PPCDC: variants seen among roughly 807,000 people sequenced by gnomAD.
PPCDC encodes phosphopantothenoylcysteine decarboxylase.
A neutral mutation model predicts 20.7 loss-of-function variants in PPCDC; 20 were observed. That is an observed-to-expected ratio of 0.97 (90% CI 0.68 to 1.41). The LOEUF is 1.41. Among genes scored for constraint, PPCDC ranks in the 40% most tolerant of loss-of-function variants. PPCDC has a pLI of 0.00. For missense variants in PPCDC, 246 were observed against 263.8 expected (o/e 0.93, Z 0.47); for synonymous variants, 88 against 100.3 (o/e 0.88, Z 0.73).
At position 75,049,436 on chromosome 15, in the gene PPCDC, C is replaced by A. The variant is rs1020322221; in HGVS notation, c.*201C>A. 2 of 588,480 alleles carry A rather than the reference C, an allele frequency of 3.4e-6. No individual in the cohort carries two copies. The highest frequency in any genetic ancestry group is 1.9e-5 in the African/African-American group (1 of 53,506). The allele number at this position is 588,480 out of a possible 1,614,324, so 36.5% of individuals were successfully genotyped here. ...TCAGTTTCTTTCAACCAGGAGAGGCCGCTGCCTAGAGCCCCTCCCCACCTT... is the reference window on the plus strand; with the variant it reads ...TCAGTTTCTTTCAACCAGGAGAGGCAGCTGCCTAGAGCCCCTCCCCACCTT... On this transcript the variant is annotated 3_prime_UTR_variant, in exon 6 of 6. Transcript: ENST00000342932.
chr15:75,040,176 G>C (rs1242512252), intron 2 of PPCDC, among the ~76,000 whole-genome samples: 1 of 152,078 alleles, frequency 6.6e-6, no homozygotes, highest in Non-Finnish European at 1.5e-5. Context: ...TCGACTTCCT[G>C]GGCTCAACTG....
chr15:75,048,755 G>A (rs749336004), intron 5 of PPCDC, 34 bp downstream of exon 5: 1 of 1,606,418 alleles, frequency 6.2e-7, no homozygotes, highest in Non-Finnish European at 8.5e-7. Context: ...GCCCAGGGCT[G>A]TAGAAGGGGC....
At chr15:75,024,322 AT>A (rs1297599069) in intron 1 of PPCDC, among the ~76,000 whole-genome samples, 2 of 150,486 alleles carry the variant, frequency 1.3e-5, no homozygotes, top group Non-Finnish European at 3.0e-5. Context: ...AGATACATTT[AT>A]CCCTCAGTAT....
intron 2 of PPCDC, among the ~76,000 whole-genome samples, chr15:75,029,053 A>G (rs1228487744): frequency 6.6e-6 from 1 of 151,976 alleles, no homozygotes; most frequent in Non-Finnish European, 1.5e-5. Flanking sequence ...TATTTTCTAT[A>G]TTGGGGTTCT....
At chr15:75,045,163 C>T (rs953958523) in intron 4 of PPCDC, 8 of 153,216 alleles carry the variant, frequency 5.2e-5, no homozygotes, top group African/African-American at 1.9e-4. Context: ...ATATGATCGT[C>T]CTGGGAAGAT....
intron 3 of PPCDC, among the ~76,000 whole-genome samples, chr15:75,043,926 A>G (rs1199178819): frequency 6.6e-6 from 1 of 152,106 alleles, no homozygotes; most frequent in Non-Finnish European, 1.5e-5. Context: ...ATGGGTGGGC[A>G]CTGGCTGATT....
intron 1 of PPCDC, among the ~76,000 whole-genome samples, chr15:75,025,584 T>G (rs908321173): frequency 1.3e-5 from 2 of 152,198 alleles, no homozygotes; most frequent in African/African-American, 4.8e-5. Flanking sequence ...TTTCTGGCTG[T>G]GGCTTACCTG....
At chr15:75,029,282 G>T (rs1291175161) in intron 2 of PPCDC, among the ~76,000 whole-genome samples, 3 of 152,252 alleles carry the variant, frequency 2.0e-5, no homozygotes, top group African/African-American at 7.2e-5. Flanking sequence ...CTGTGGTTTT[G>T]GCCCCTTCTT....
At chr15:75,036,218 A>G (rs928982155) in intron 2 of PPCDC, among the ~76,000 whole-genome samples, 2 of 152,232 alleles carry the variant, frequency 1.3e-5, no homozygotes, top group Non-Finnish European at 2.9e-5. Context: ...AACGGTCAGA[A>G]TTATTTAGTA....
chr15:75,050,236 G>A lies in PPCDC; in HGVS notation c.*1001G>A, dbSNP rs181619479. On this transcript the variant is annotated 3_prime_UTR_variant, in exon 6 of 6. Coordinates refer to ENST00000342932, the MANE Select transcript of PPCDC (RefSeq NM_021823.5). ...GCAAGTGACAGGTAAGCAGCCAGGAGGGTTGACCCTGCCCTGGGTCCCAGG... is the reference window on the plus strand; with the variant it reads ...GCAAGTGACAGGTAAGCAGCCAGGAAGGTTGACCCTGCCCTGGGTCCCAGG... 6.6e-6 allele frequency: 1 copy of A among 152,356 alleles called. No homozygotes were observed. Among genetic ancestry groups the A allele is most frequent in the East Asian group, 1.9e-4 (1 of 5,190 alleles). 9.4% of individuals were successfully genotyped at this position (152,356 alleles called of 1,614,324 possible). A position where few individuals can be genotyped will look rare whatever the true frequency, so the allele number is the denominator to read the frequency against.
intron 4 of PPCDC, among the ~76,000 whole-genome samples, chr15:75,045,624 G>A (rs1312933541): frequency 6.6e-6 from 1 of 152,146 alleles, no homozygotes; most frequent in Non-Finnish European, 1.5e-5. Flanking sequence ...ACTCCTCAAA[G>A]AATCTGCCAG....
chr15:75,033,248 T>A (rs1414781922), intron 2 of PPCDC, among the ~76,000 whole-genome samples: 1 of 152,252 alleles, frequency 6.6e-6, no homozygotes, highest in Non-Finnish European at 1.5e-5. Context: ...TGCCTATGGC[T>A]GCATTCGTGC....
intron 2 of PPCDC, among the ~76,000 whole-genome samples, chr15:75,041,408 T>C (rs2066151470): frequency 6.6e-6 from 1 of 152,162 alleles, no homozygotes; most frequent in African/African-American, 2.4e-5. Flanking sequence ...GGTGGGTGGA[T>C]TGCTTGAGCC....
intron 2 of PPCDC, among the ~76,000 whole-genome samples, chr15:75,039,976 G>C (rs916516883): frequency 2.6e-5 from 4 of 152,048 alleles, no homozygotes; most frequent in African/African-American, 9.7e-5. Flanking sequence ...TAGAGATGGG[G>C]TTTCTCCTTG....
At chr15:75,038,634 C>T (rs557706340) in intron 2 of PPCDC, among the ~76,000 whole-genome samples, 8 of 152,312 alleles carry the variant, frequency 5.3e-5, no homozygotes, top group Admixed American at 3.3e-4. Context: ...ATAGACATGA[C>T]GCTCTAATTT....
chr15:75,030,910 G>C (rs1480476276), intron 2 of PPCDC, among the ~76,000 whole-genome samples: 1 of 152,142 alleles, frequency 6.6e-6, no homozygotes. Flanking sequence ...CAGGGAGACT[G>C]TGAGGGGTGG....
chr15:75,043,208 G>C (rs1394586300), intron 2 of PPCDC: 1 of 463,528 alleles, frequency 2.2e-6, no homozygotes, highest in Non-Finnish European at 3.9e-6. Flanking sequence ...TCATTCCTCA[G>C]CAGCCCCTCA....
chr15:75,034,733 G>A (rs2066065209), intron 2 of PPCDC, among the ~76,000 whole-genome samples: 1 of 152,116 alleles, frequency 6.6e-6, no homozygotes, highest in South Asian at 2.1e-4. Context: ...CAGAGGACTG[G>A]GCCACCAAAG....
At chr15:75,040,582 T>C (rs1450838131) in intron 2 of PPCDC, among the ~76,000 whole-genome samples, 1 of 152,178 alleles carries the variant, frequency 6.6e-6, no homozygotes, top group African/African-American at 2.4e-5. Context: ...GAGCCTGTTA[T>C]ATATTTACTA....
Sources: gnomAD v4.1 joint callset for allele counts (sites outside exome capture counted in the v4.1 genomes callset) on GRCh38, gnomAD v4.1.1 for gene constraint, MANE v1.5 for transcripts, NCBI Gene and HGNC (gene_info 2026-07-23, HGNC 2026-07-21) for gene names.